The following DYM variants were observed in gnomAD, a reference collection of about 807,000 sequenced individuals.
DYM encodes the protein dyggve-Melchior-Clausen syndrome protein.
A neutral mutation model predicts 93.1 loss-of-function variants in DYM; 78 were observed. The ratio of observed to expected loss-of-function variants is 0.84; its 90% CI spans 0.70 to 1.01. The LOEUF (loss-of-function observed/expected upper bound fraction) is 1.01. DYM is among the 50% of genes least tolerant of loss of function. The pLI, the probability that DYM is intolerant of heterozygous loss-of-function variation, is 0.00. For synonymous variants in DYM, 321 were observed against 319.7 expected (o/e 1.00, Z -0.04); for missense variants, 789 against 845.0 (o/e 0.93, Z 0.82).
At chr18:49,441,347 AAT>A (rs2029995815) in intron 1 of DYM, among the ~76,000 whole-genome samples, 1 of 78,672 alleles carries the variant, frequency 1.3e-5, no homozygotes, top group Non-Finnish European at 2.3e-5. Flanking sequence ...ATATATAATT[AAT>A]ATATAATTAT....
At chr18:49,407,139 G>T (rs2071592010) in intron 2 of DYM, among the ~76,000 whole-genome samples, 1 of 152,146 alleles carries the variant, frequency 6.6e-6, no homozygotes, top group Non-Finnish European at 1.5e-5. Context: ...TAATATTGCT[G>T]AAATAAAACT....
chr18:49,216,663 G>C (rs2143822083), intron 13 of DYM, among the ~76,000 whole-genome samples: 1 of 152,308 alleles, frequency 6.6e-6, no homozygotes, highest in East Asian at 1.9e-4. Context: ...TGGACCTCTA[G>C]CAAACTCCAA....
chr18:49,149,799 T>C (rs897405397), intron 15 of DYM, among the ~76,000 whole-genome samples: 7 of 136,556 alleles, frequency 5.1e-5, no homozygotes, highest in African/African-American at 1.9e-4. Flanking sequence ...CTCCACCTCC[T>C]GGGTTCAAGC....
intron 17 of DYM, among the ~76,000 whole-genome samples, chr18:49,084,358 T>G (rs2078311497): frequency 6.6e-6 from 1 of 152,210 alleles, no homozygotes; most frequent in Admixed American, 6.5e-5. Context: ...AATCTGAGAC[T>G]TGTTTTGTGA....
intron 8 of DYM, among the ~76,000 whole-genome samples, chr18:49,305,664 T>C (rs902893964): frequency 1.3e-5 from 2 of 152,206 alleles, no homozygotes; most frequent in Admixed American, 1.3e-4. Context: ...TTAATAAATA[T>C]TTGTGGAAAT....
chr18:49,213,597 C>G (rs10469000), intron 13 of DYM, among the ~76,000 whole-genome samples: 1 of 151,956 alleles, frequency 6.6e-6, no homozygotes, highest in Non-Finnish European at 1.5e-5. Flanking sequence ...ATTACAGGCA[C>G]GAGCCACAGT....
chr18:49,313,271 C>A (rs1222896607), intron 8 of DYM, among the ~76,000 whole-genome samples: 1 of 151,834 alleles, frequency 6.6e-6, no homozygotes, highest in Non-Finnish European at 1.5e-5. Flanking sequence ...CAAGACCAGC[C>A]TGACCAACAT....
chr18:49,198,379 A>G (rs1199008516), intron 14 of DYM, among the ~76,000 whole-genome samples: 6 of 152,084 alleles, frequency 3.9e-5, no homozygotes, highest in Non-Finnish European at 5.9e-5. Context: ...AAATTGACAA[A>G]TGGGATCTAA....
In DYM at chr18:49,262,961, A is replaced by T. The variant is rs115835142; in HGVS notation, c.1252-4468T>A. Among the ~76,000 whole-genome samples, 479 of 152,330 alleles carry T rather than the reference A, an allele frequency of 3.1e-3. 4 individuals are homozygous for T. The highest frequency in any genetic ancestry group is 0.011 in the African/African-American group (445 of 41,578). On this transcript the variant is annotated intron_variant, in intron 11 of 17. Transcript: ENST00000675505. ...AAATCTCACTACATGAAAGTCAGAA[A>T]AAAAGAAAGAATTCCTGACTCTCCA...
At chr18:49,331,506 C>T (rs528167269) in intron 8 of DYM, among the ~76,000 whole-genome samples, 1 of 152,288 alleles carries the variant, frequency 6.6e-6, no homozygotes, top group South Asian at 2.1e-4. Flanking sequence ...AAAATATACC[C>T]TAAAATAACC....
chr18:49,285,931 T>C (rs946079851), intron 9 of DYM, among the ~76,000 whole-genome samples: 1 of 152,208 alleles, frequency 6.6e-6, no homozygotes, highest in Admixed American at 6.5e-5. Context: ...GTTTACATAG[T>C]ACCTATGGCT....
chr18:49,270,302 AGAG>A (rs1411967646), intron 11 of DYM, among the ~76,000 whole-genome samples: 1 of 152,254 alleles, frequency 6.6e-6, no homozygotes, highest in Non-Finnish European at 1.5e-5. Context: ...AGGTAAACCT[AGAG>A]GAGATTATTC....
chr18:49,358,267 A>C (rs1293682136), intron 6 of DYM, among the ~76,000 whole-genome samples: 3 of 152,198 alleles, frequency 2.0e-5, no homozygotes, highest in African/African-American at 7.2e-5. Context: ...GCCATTTCTA[A>C]AGAAACAAAA....
At chr18:49,194,611 A>T (rs1431482436) in intron 14 of DYM, among the ~76,000 whole-genome samples, 1 of 152,106 alleles carries the variant, frequency 6.6e-6, no homozygotes, top group Non-Finnish European at 1.5e-5. Flanking sequence ...CCATTTTTGA[A>T]TGATACTACA....
chr18:49,144,254 G>T (rs1396807080), intron 15 of DYM, among the ~76,000 whole-genome samples: 1 of 150,716 alleles, frequency 6.6e-6, no homozygotes, highest in East Asian at 1.9e-4. Flanking sequence ...TCTGTTCTGG[G>T]TTTCCCCAGA....
intron 2 of DYM, among the ~76,000 whole-genome samples, chr18:49,414,331 G>GA (rs1251503630): frequency 3.8e-4 from 58 of 151,862 alleles, no homozygotes; most frequent in Middle Eastern, 6.8e-3. Flanking sequence ...AGGACCAGAC[G>GA]AAAAAACAAT....
chr18:49,286,482 C>T lies in DYM; in HGVS notation c.898G>A (p.Ala300Thr). The stretch of plus-strand genomic sequence containing the variant: ...ATGGCTTGTCTGTAGGGGTTTGGCG[C>T]ATCTGAGGCATCTGTCAGATTGGCC... Reference protein sequence around the residue: ...VLANLTDASDAPNPYRQAIMS... With the variant: ...VLANLTDASDTPNPYRQAIMS... The change falls in exon 9 of 18, where the codon GCG becomes ACG. Residue 300 changes from alanine to threonine, a missense_variant. By Grantham distance (58) the Ala-to-Thr change is moderately conservative (BLOSUM62 0). Around this residue, in one of 3 missense-constraint regions of DYM, gnomAD observed 450 missense variants for 436.2 expected, o/e 1.03. Coordinates refer to ENST00000675505, the MANE Select transcript of DYM (RefSeq NM_001353214.3). The T allele has an allele frequency of 3.7e-6, 6 of 1,614,152 alleles. No individual in the cohort carries two copies. Among genetic ancestry groups the T allele is most frequent in the Non-Finnish European group, 5.1e-6 (6 of 1,180,010 alleles).
intron 15 of DYM, among the ~76,000 whole-genome samples, chr18:49,138,531 T>C (rs2084100021): frequency 2.0e-5 from 3 of 152,160 alleles, no homozygotes; most frequent in African/African-American, 7.2e-5. Flanking sequence ...GTAGGTTTGG[T>C]TCAATGTAAT....
At chr18:49,177,048 T>G (rs2145394874) in intron 14 of DYM, among the ~76,000 whole-genome samples, 1 of 152,262 alleles carries the variant, frequency 6.6e-6, no homozygotes, top group Non-Finnish European at 1.5e-5. Flanking sequence ...TTGAGAAAAT[T>G]GCACACCAAG....
Sources: gnomAD v4.1 joint callset for allele counts (sites outside exome capture counted in the v4.1 genomes callset) on GRCh38, gnomAD v4.1.1 for gene constraint, gnomAD v4.1.1 regional missense constraint, MANE v1.5 for transcripts, NCBI Gene and HGNC (gene_info 2026-07-23, HGNC 2026-07-21) for gene names.